HCAR2: variants seen among roughly 807,000 people sequenced by gnomAD.
HCAR2 encodes hydroxycarboxylic acid receptor 2, also known as G protein-coupled receptor HM74a.
For synonymous variants in HCAR2, 156 were observed against 189.4 expected, an observed-to-expected ratio of 0.82 and a Z score of 1.45; for missense variants, 346 against 476.6, an observed-to-expected ratio of 0.73 and a Z score of 2.55.
At position 122,702,808 on chromosome 12, in the gene HCAR2, G is replaced by C. The variant is rs562912587; in HGVS notation, c.476C>G (p.Thr159Arg). Residue 159 changes from threonine to arginine, a missense_variant, in exon 1 of 1, where the codon ACA becomes AGA. Physicochemically the swap from Thr to Arg is moderately conservative, Grantham distance 71. Transcript: ENST00000328880. Reference sequence around the variant, plus strand: ...CATCTTCTTCTTCAGGAGGTGGACTGTCAGGCCAATAGTGATGCCCCACAG... The same window carrying C: ...CATCTTCTTCTTCAGGAGGTGGACTCTCAGGCCAATAGTGATGCCCCACAG... Reference protein sequence around the residue: ...CLLWGITIGLTVHLLKKKMPI... With the variant: ...CLLWGITIGLRVHLLKKKMPI... 1.2e-6 allele frequency: 2 copies of C among 1,614,192 alleles called. No individual in the cohort carries two copies. The highest frequency in any genetic ancestry group is 1.3e-5 in the African/African-American group (1 of 75,052).
Position 122,702,235 on chromosome 12 carries a change from C to G in HCAR2, c.1049G>C (p.Gly350Ala). 6.2e-7 allele frequency: 1 copy of G among 1,614,226 alleles called. No individual in the cohort carries two copies. The highest frequency in any genetic ancestry group is 2.2e-5 in the East Asian group (1 of 44,890). ...GAPEALMANS[G>A]EPWSPSYLGP... ...CAGATAAGAGGGGCTCCATGGCTCA[C>G]CGGAGTTGGCCATTAACGCCTCTGG... Residue 350 changes from glycine to alanine, a missense_variant, in exon 1 of 1, where the codon GGT (glycine) becomes GCT (alanine). Transcript: ENST00000328880.
At position 122,701,608 on chromosome 12, in the gene HCAR2, G is replaced by A. The variant is rs918838858; in HGVS notation, c.*584C>T. 4.3e-5 allele frequency: 7 copies of A among 164,568 alleles called. No individual in the cohort carries two copies. The highest frequency in any genetic ancestry group is 3.0e-4 in the South Asian group (2 of 6,716). 10.2% of individuals were successfully genotyped at this position (164,568 alleles called of 1,614,324 possible). ...GGGCTAATCCCCTATTACACCCACC[G>A]GAAACACAGATATTAACCAAAGCGT... On this transcript the variant is annotated 3_prime_UTR_variant, in exon 1 of 1. Coordinates refer to ENST00000328880, the MANE Select transcript of HCAR2 (RefSeq NM_177551.4).
chr12:122,702,360 C>A lies in HCAR2; in HGVS notation c.924G>T (p.Leu308Phe). 2 of 1,614,166 alleles carry A rather than the reference C, an allele frequency of 1.2e-6. No individual in the cohort carries two copies. The highest frequency in any genetic ancestry group is 2.2e-5 in the South Asian group (2 of 91,074). The change falls in exon 1 of 1, where the codon TTG becomes TTT. Residue 308 changes from leucine to phenylalanine, a missense_variant. Leu to Phe is a conservative substitution (Grantham distance 22). Transcript: ENST00000328880. ...TCTTCCTCTGGAGGCAGCGGTTGATCAAAGTGGAGAAGAAGTTGGGAAAGG... is the reference window on the plus strand; with the variant it reads ...TCTTCCTCTGGAGGCAGCGGTTGATAAAAGTGGAGAAGAAGTTGGGAAAGG... The part of the protein sequence containing the change: ...SPSFPNFFST[L>F]INRCLQRKMT...
rs1877118877 is a variant in HCAR2, at chr12:122,702,842, A to G, written c.442T>C (p.Ser148Pro). The stretch of plus-strand genomic sequence containing the variant: ...ATAGTGATGCCCCACAGAAGGCAAG[A>G]GATGATGGCTGCTGTCCGATTGGAG... ...KISNRTAAII[S>P]CLLWGITIGL... is the part of the protein sequence containing the mutation. The change falls in exon 1 of 1, where the codon TCT becomes CCT. Residue 148 changes from serine (S) to proline (P), a missense_variant. Coordinates refer to ENST00000328880, the MANE Select transcript of HCAR2 (RefSeq NM_177551.4). The G allele has an allele frequency of 6.2e-7, 1 of 1,614,026 alleles. No homozygotes were observed. The highest frequency in any genetic ancestry group is 1.3e-5 in the African/African-American group (1 of 74,900).
In HCAR2 at chr12:122,702,637, C is replaced by T. The variant is rs199514271; in HGVS notation, c.647G>A (p.Arg216Gln). 2.2e-5 allele frequency: 36 copies of T among 1,613,976 alleles called. No homozygotes were observed. The highest frequency in any genetic ancestry group is 7.7e-5 in the South Asian group (7 of 91,082). ...GGCATGCCGGTCCATTTGTCTCTGC[C>T]GCAGGCTCCAGATAATTCTGGCTGA... Reference protein sequence around the residue: ...FCSARIIWSLRQRQMDRHAKI... With the variant: ...FCSARIIWSLQQRQMDRHAKI... Residue 216 changes from arginine (R) to glutamine (Q), a missense_variant, in exon 1 of 1, where the codon CGG becomes CAG. By Grantham distance (43) the Arg-to-Gln change is conservative. Transcript: ENST00000328880.
At position 122,702,909 on chromosome 12, in the gene HCAR2, C is replaced by A; in HGVS notation, c.375G>T (p.Arg125Ser). The A allele has an allele frequency of 6.2e-7, 1 of 1,614,060 alleles. No homozygotes were observed. The highest frequency in any genetic ancestry group is 8.5e-7 in the Non-Finnish European group (1 of 1,180,014). ...IIFLTVVAVDRYFRVVHPHHA... is the reference protein window; with the variant it reads ...IIFLTVVAVDSYFRVVHPHHA... ...GGTGGGGATGGACCACCCGGAAATA[C>A]CTGTCTACCGCCACCACCGTGAGGA... The change falls in exon 1 of 1, where the codon AGG (arginine) becomes AGT (serine). Residue 125 changes from arginine to serine, a missense_variant. By Grantham distance (110) the Arg-to-Ser change is moderately radical (BLOSUM62 -1). Coordinates refer to ENST00000328880, the MANE Select transcript of HCAR2 (RefSeq NM_177551.4).
chr12:122,701,988 C>T lies in HCAR2; in HGVS notation c.*204G>A. 1 of 999,558 alleles carries T rather than the reference C, an allele frequency of 1.0e-6. No individual in the cohort carries two copies. The highest frequency in any genetic ancestry group is 1.5e-6 in the Non-Finnish European group (1 of 671,492). 61.9% of individuals were successfully genotyped at this position (999,558 alleles called of 1,614,324 possible). ...GTTTCAGATGCCTAGAAGCTTTACT[C>T]TCTATTCCTCCAGGATTCCTGCGGT... On this transcript the variant is annotated 3_prime_UTR_variant, in exon 1 of 1. Transcript: ENST00000328880.
Position 122,702,187 on chromosome 12 carries a change from G to T in HCAR2, c.*5C>A, listed in dbSNP as rs369377442. 3.7e-6 allele frequency: 6 copies of T among 1,613,958 alleles called. No homozygotes were observed. In the South Asian group the frequency reaches 4.4e-5, roughly 12 times the overall value. On this transcript the variant is annotated 3_prime_UTR_variant, in exon 1 of 1. Coordinates refer to ENST00000328880, the MANE Select transcript of HCAR2 (RefSeq NM_177551.4). ...GGTGACAATGTCCCTTCTTGGCATG[G>T]TTATTTAAGGAGAGGTTGGGCCCAG...
In HCAR2 at chr12:122,701,927, A is replaced by G. The variant is rs1488833591; in HGVS notation, c.*265T>C. 2 of 624,800 alleles carry G rather than the reference A, an allele frequency of 3.2e-6. No homozygotes were observed. The highest frequency in any genetic ancestry group is 3.2e-5 in the Admixed American group (1 of 31,612). The allele number at this position is 624,800 out of a possible 1,614,324, so 38.7% of individuals were successfully genotyped here. A position where few individuals can be genotyped will look rare whatever the true frequency, so the allele number is the denominator to read the frequency against. On this transcript the variant is annotated 3_prime_UTR_variant, in exon 1 of 1. Coordinates refer to ENST00000328880, the MANE Select transcript of HCAR2 (RefSeq NM_177551.4). ...CAGCAGAAATGCCTACAATTTGCCCATCTTCAGTCCTGCGAGCGTCAGAGA... is the reference window on the plus strand; with the variant it reads ...CAGCAGAAATGCCTACAATTTGCCCGTCTTCAGTCCTGCGAGCGTCAGAGA...
rs140256769 is a variant in HCAR2, at chr12:122,703,276, C to T, written c.8G>A (p.Arg3Gln). MN[R>Q]HHLQDHFLEI... ...CAGAAAGTGATCCTGCAGATGGTGC[C>T]GATTCATGAGTGCGGCTAGTGAGTC... is the stretch of plus-strand genomic sequence containing the variant. The change falls in exon 1 of 1, where the codon CGG (arginine) becomes CAG (glutamine). Residue 3 changes from arginine (R) to glutamine (Q), a missense_variant. By Grantham distance (43) the Arg-to-Gln change is conservative (BLOSUM62 1). Transcript: ENST00000328880. The T allele has an allele frequency of 1.3e-4, 215 of 1,613,628 alleles. No homozygotes were observed. Among genetic ancestry groups the T allele is most frequent in the Non-Finnish European group, 1.7e-4 (201 of 1,179,800 alleles).
chr12:122,702,109 G>A lies in HCAR2; in HGVS notation c.*83C>T, dbSNP rs772103326. The A allele has an allele frequency of 1.9e-6, 3 of 1,597,080 alleles. No individual in the cohort carries two copies. The highest frequency in any genetic ancestry group is 2.2e-5 in the South Asian group (2 of 89,010). On this transcript the variant is annotated 3_prime_UTR_variant, in exon 1 of 1. Transcript: ENST00000328880. ...TCCAGGAAACCTTAGGCCGAGTCCAGTGACATTACTCGATGCAACAGCCCA... is the reference window on the plus strand; with the variant it reads ...TCCAGGAAACCTTAGGCCGAGTCCAATGACATTACTCGATGCAACAGCCCA...
chr12:122,702,236 C>G lies in HCAR2; in HGVS notation c.1048G>C (p.Gly350Arg), dbSNP rs148160325. The G allele has an allele frequency of 1.9e-6, 3 of 1,613,720 alleles. No homozygotes were observed. Among genetic ancestry groups the G allele is most frequent in the African/African-American group, 2.7e-5 (2 of 74,620 alleles). The change falls in exon 1 of 1, where the codon GGT (glycine) becomes CGT (arginine). Residue 350 changes from glycine (G) to arginine (R), a missense_variant. Transcript: ENST00000328880. ...AGATAAGAGGGGCTCCATGGCTCAC[C>G]GGAGTTGGCCATTAACGCCTCTGGA... is the stretch of plus-strand genomic sequence containing the variant. ...GAPEALMANS[G>R]EPWSPSYLGP...
In HCAR2 at chr12:122,702,759, A is replaced by T. The variant is rs1437571026; in HGVS notation, c.525T>A (p.Asn175Lys). 6.2e-7 allele frequency: 1 copy of T among 1,614,034 alleles called. No homozygotes were observed. The highest frequency in any genetic ancestry group is 2.2e-5 in the East Asian group (1 of 44,896). Reference protein sequence around the residue: ...KKMPIQNGGANLCSSFSICHT... With the variant: ...KKMPIQNGGAKLCSSFSICHT... The stretch of plus-strand genomic sequence containing the variant: ...GGCAGATGCTGAAGCTGCTGCACAA[A>T]TTTGCACCGCCATTCTGGATCGGCA... The change falls in exon 1 of 1, where the codon AAT becomes AAA. Residue 175 changes from asparagine (N) to lysine (K), a missense_variant. Coordinates refer to ENST00000328880, the MANE Select transcript of HCAR2 (RefSeq NM_177551.4).
Position 122,702,803 on chromosome 12 carries a change from G to A in HCAR2, c.481C>T (p.His161Tyr), listed in dbSNP as rs1877116952. ...ATCGGCATCTTCTTCTTCAGGAGGTGGACTGTCAGGCCAATAGTGATGCCC... is the reference window on the plus strand; with the variant it reads ...ATCGGCATCTTCTTCTTCAGGAGGTAGACTGTCAGGCCAATAGTGATGCCC... The part of the protein sequence containing the change: ...LWGITIGLTV[H>Y]LLKKKMPIQN... Residue 161 changes from histidine to tyrosine, a missense_variant, in exon 1 of 1, where the codon CAC becomes TAC. His to Tyr is a moderately conservative substitution (Grantham distance 83). Coordinates refer to ENST00000328880, the MANE Select transcript of HCAR2 (RefSeq NM_177551.4). 1.2e-6 allele frequency: 2 copies of A among 1,614,026 alleles called. No homozygotes were observed. The highest frequency in any genetic ancestry group is 1.3e-5 in the African/African-American group (1 of 74,904).
Position 122,702,628 on chromosome 12 carries a change from T to A in HCAR2, c.656A>T (p.Gln219Leu). 6.2e-7 allele frequency: 1 copy of A among 1,614,228 alleles called. No homozygotes were observed. The highest frequency in any genetic ancestry group is 8.5e-7 in the Non-Finnish European group (1 of 1,180,048). ...ARIIWSLRQRQMDRHAKIKRA... is the reference protein window; with the variant it reads ...ARIIWSLRQRLMDRHAKIKRA... The stretch of plus-strand genomic sequence containing the variant: ...CTTGATCTTGGCATGCCGGTCCATT[T>A]GTCTCTGCCGCAGGCTCCAGATAAT... Residue 219 changes from glutamine (Q) to leucine (L), a missense_variant, in exon 1 of 1, where the codon CAA (glutamine) becomes CTA (leucine). Gln to Leu is a moderately radical substitution (Grantham distance 113). Coordinates refer to ENST00000328880, the MANE Select transcript of HCAR2 (RefSeq NM_177551.4).
chr12:122,702,402 G>A lies in HCAR2; in HGVS notation c.882C>T (p.Tyr294=), dbSNP rs1566044749. The change falls in exon 1 of 1, where the codon TAC becomes TAT. Residue 294 remains tyrosine, a synonymous_variant. Coordinates refer to ENST00000328880, the MANE Select transcript of HCAR2 (RefSeq NM_177551.4). ...YMNSMLDPVV[Y]YFSSPSFPNF... ...TGGGAAAGGATGGGCTGGAGAAGTA[G>A]TACACCACGGGGTCCAGCATGCTGT... is the stretch of plus-strand genomic sequence containing the variant. 8.1e-6 allele frequency: 13 copies of A among 1,614,214 alleles called. No homozygotes were observed. In the Middle Eastern group the frequency reaches 6.6e-4, roughly 82 times the overall value.
rs1275463504 is a variant in HCAR2, at chr12:122,703,342, T to C, written c.-59A>G. 3.2e-6 allele frequency: 5 copies of C among 1,581,520 alleles called. No homozygotes were observed. The highest frequency in any genetic ancestry group is 1.7e-5 in the Admixed American group (1 of 57,968). On this transcript the variant is annotated 5_prime_UTR_variant, in exon 1 of 1. Coordinates refer to ENST00000328880, the MANE Select transcript of HCAR2 (RefSeq NM_177551.4). The stretch of plus-strand genomic sequence containing the variant: ...CCTAGTGAATGCTCCAGCAAGGAGG[T>C]GTGTGTCTGTGTGGTGAACGTGTGG...
chr12:122,703,076 C>T lies in HCAR2; in HGVS notation c.208G>A (p.Ala70Thr). The T allele has an allele frequency of 6.2e-7, 1 of 1,614,134 alleles. No homozygotes were observed. The highest frequency in any genetic ancestry group is 1.1e-5 in the South Asian group (1 of 91,078). The change falls in exon 1 of 1, where the codon GCA becomes ACA. Residue 70 changes from alanine (A) to threonine (T), a missense_variant. Physicochemically the swap from Ala to Thr is moderately conservative, Grantham distance 58 (BLOSUM62 0). Transcript: ENST00000328880. ...ATGATCAGTAGAAAGTCAGCCACTGCCAGGTTGAACAGGAAAATCCGGCTG... is the reference window on the plus strand; with the variant it reads ...ATGATCAGTAGAAAGTCAGCCACTGTCAGGTTGAACAGGAAAATCCGGCTG... ...KSSRIFLFNL[A>T]VADFLLIICL...
rs1479296739 is a variant in HCAR2 at position 122,702,481 on chromosome 12, A to G, written c.803T>C (p.Val268Ala). ...LHTSGTQNCE[V>A]YRSVDLAFFI... ...GAACGCCAGGTCCACCGAGCGGTAC[A>G]CTTCACAATTCTGCGTGCCCGAAGT... The change falls in exon 1 of 1, where the codon GTG (valine) becomes GCG (alanine). Residue 268 changes from valine (V) to alanine (A), a missense_variant. Coordinates refer to ENST00000328880, the MANE Select transcript of HCAR2 (RefSeq NM_177551.4). 1.2e-5 allele frequency: 20 copies of G among 1,614,154 alleles called. No homozygotes were observed. The highest frequency in any genetic ancestry group is 2.7e-5 in the African/African-American group (2 of 75,072).
Sources: allele counts gnomAD v4.1 joint callset, GRCh38; gene constraint gnomAD v4.1.1; transcripts MANE v1.5; gene names NCBI Gene and HGNC (gene_info 2026-07-23, HGNC 2026-07-21).